Variants in PTGFR observed in about 807,000 individuals in gnomAD.
PTGFR encodes the protein prostaglandin F2-alpha receptor.
A neutral mutation model predicts 26.2 loss-of-function variants in PTGFR; 15 were observed. That is an observed-to-expected ratio of 0.57 (90% CI 0.38 to 0.88). The LOEUF is 0.88. Among genes scored for constraint, PTGFR ranks in the 40% least tolerant of loss-of-function variants. PTGFR has a pLI of 0.00. For missense variants in PTGFR, 369 were observed against 427.2 expected, an observed-to-expected ratio of 0.86 and a Z score of 1.20; for synonymous variants, 165 against 151.1, an observed-to-expected ratio of 1.09 and a Z score of -0.68.
intron 2 of PTGFR, among the ~76,000 whole-genome samples, chr1:78,514,480 C>A (rs78571918): frequency 6.6e-6 from 1 of 152,046 alleles, no homozygotes; most frequent in Admixed American, 6.5e-5. Flanking sequence ...TGTCTGTATA[C>A]CCTTGTATCT....
intron 2 of PTGFR, among the ~76,000 whole-genome samples, chr1:78,501,949 G>A (rs571459489): frequency 3.3e-5 from 5 of 152,120 alleles, no homozygotes; most frequent in Admixed American, 6.6e-5. Flanking sequence ...AAGTTTATTG[G>A]TATTAATGCT....
intron 2 of PTGFR, among the ~76,000 whole-genome samples, chr1:78,511,437 CAGG>C (rs760319466): frequency 2.6e-5 from 4 of 152,090 alleles, no homozygotes; most frequent in Non-Finnish European, 5.9e-5. Flanking sequence ...GGAGTGGTGG[CAGG>C]AGATTTACCT....
rs115653955 is a variant in PTGFR, at chr1:78,533,189, G to A, written c.799-3217G>A. Among the ~76,000 whole-genome samples, 1,177 of 152,224 alleles carry A rather than the reference G, an allele frequency of 7.7e-3. 9 individuals are homozygous for A. Among genetic ancestry groups the A allele is most frequent in the African/African-American group, 0.027 (1,125 of 41,544 alleles). On this transcript the variant is annotated intron_variant, in intron 2 of 2. Transcript: ENST00000370757. ...ATTATTTTAAGATATGTGAAAGGCT[G>A]ACATTTAGTAAATGGATTGATTATC...
chr1:78,514,419 C>A (rs534307726), intron 2 of PTGFR, among the ~76,000 whole-genome samples: 2 of 152,162 alleles, frequency 1.3e-5, no homozygotes, highest in East Asian at 3.9e-4. Flanking sequence ...GGGCCTGTTG[C>A]CTCTTTATTT....
intron 2 of PTGFR, among the ~76,000 whole-genome samples, chr1:78,527,437 C>T (rs775218854): frequency 2.0e-4 from 31 of 151,990 alleles, no homozygotes; most frequent in Non-Finnish European, 3.7e-4. Context: ...TAAACGACTG[C>T]TTTCTGAGAT....
At chr1:78,494,103 G>A (rs189349036) in intron 2 of PTGFR, among the ~76,000 whole-genome samples, 145 of 152,346 alleles carry the variant, frequency 9.5e-4, no homozygotes, top group African/African-American at 3.4e-3. Flanking sequence ...AGGTATGTTT[G>A]GCAGGAAGGC....
intron 2 of PTGFR, among the ~76,000 whole-genome samples, chr1:78,503,551 G>C (rs1227598898): frequency 6.6e-6 from 1 of 152,178 alleles, no homozygotes; most frequent in East Asian, 1.9e-4. Context: ...TCTCCAGGTG[G>C]AGGGTAAAGG....
chr1:78,526,001 C>A (rs1025621734), intron 2 of PTGFR, among the ~76,000 whole-genome samples: 2 of 152,026 alleles, frequency 1.3e-5, no homozygotes, highest in African/African-American at 4.8e-5. Flanking sequence ...ATTACTAATT[C>A]TTCACATAAT....
At chr1:78,501,103 G>A (rs1649693830) in intron 2 of PTGFR, among the ~76,000 whole-genome samples, 1 of 151,668 alleles carries the variant, frequency 6.6e-6, no homozygotes, top group South Asian at 2.1e-4. Context: ...AAGTGTAAAC[G>A]AATCAGAAAC....
intron 2 of PTGFR, among the ~76,000 whole-genome samples, chr1:78,519,986 T>A (rs898676860): frequency 1.3e-5 from 2 of 152,160 alleles, no homozygotes; most frequent in Non-Finnish European, 2.9e-5. Context: ...TCACACTGAT[T>A]TCTTTTCCAT....
intron 2 of PTGFR, among the ~76,000 whole-genome samples, chr1:78,500,000 A>G (rs1386389697): frequency 6.6e-6 from 1 of 152,202 alleles, no homozygotes; most frequent in Non-Finnish European, 1.5e-5. Flanking sequence ...ATTTGGATTA[A>G]TTTATCCCCA....
chr1:78,509,013 C>T (rs979551543), intron 2 of PTGFR, among the ~76,000 whole-genome samples: 12 of 152,092 alleles, frequency 7.9e-5, no homozygotes, highest in Non-Finnish European at 1.8e-4. Flanking sequence ...CCATCATATT[C>T]GAACAGACCA....
intron 2 of PTGFR, among the ~76,000 whole-genome samples, chr1:78,531,154 G>C (rs1650497248): frequency 6.6e-6 from 1 of 152,132 alleles, no homozygotes; most frequent in African/African-American, 2.4e-5. Context: ...GCCAGAAGTA[G>C]GTGGGTCAAA....
Position 78,492,784 on chromosome 1 carries a change from C to T in PTGFR, c.41C>T (p.Ala14Val), listed in dbSNP as rs140892141. Residue 14 changes from alanine to valine, a missense_variant, in exon 2 of 3, where the codon GCT becomes GTT. Ala to Val is a moderately conservative substitution (Grantham distance 64). Transcript: ENST00000370757. ...TCCAAACAGCTAGTGTCTCCTGCAG[C>T]TGCGCTTCTTTCAAACACAACCTGC... ...NNSKQLVSPA[A>V]ALLSNTTCQT... 8.1e-6 allele frequency: 13 copies of T among 1,614,136 alleles called. No homozygotes were observed. Among genetic ancestry groups the T allele is most frequent in the East Asian group, 2.2e-5 (1 of 44,884 alleles).
At chr1:78,498,132 T>G (rs1253869149) in intron 2 of PTGFR, among the ~76,000 whole-genome samples, 18 of 152,194 alleles carry the variant, frequency 1.2e-4, no homozygotes, top group Admixed American at 1.2e-3. Flanking sequence ...CTAAAGGTAT[T>G]GGCTTCATAA....
rs756672341 is a variant in PTGFR, at chr1:78,492,833, A to AT, written c.97dup (p.Ser33PhefsTer27). The AT allele has an allele frequency of 1.9e-6, 3 of 1,614,126 alleles. No homozygotes were observed. The highest frequency in any genetic ancestry group is 2.2e-5 in the East Asian group (1 of 44,878). Reference sequence around the variant, plus strand: ...GCCAGACGGAAAACCGGCTTTCCGTATTTTTTTCAGTAATCTTCATGACAG... The same window carrying AT: ...GCCAGACGGAAAACCGGCTTTCCGTATTTTTTTTCAGTAATCTTCATGACAG... On this transcript the variant is annotated frameshift_variant, in exon 2 of 3. Coordinates refer to ENST00000370757, the MANE Select transcript of PTGFR (RefSeq NM_000959.4). LOFTEE classifies it high-confidence loss of function.
chr1:78,493,008 G>A lies in PTGFR; in HGVS notation c.265G>A (p.Val89Ile). Residue 89 changes from valine (V) to isoleucine (I), a missense_variant, in exon 2 of 3, where the codon GTA becomes ATA. Val to Ile is a conservative substitution (Grantham distance 29). Transcript: ENST00000370757. Reference sequence around the variant, plus strand: ...CCATCTCATCAATGGAGCCATAGCAGTATTTGTATATGCTTCTGATAAAGA... The same window carrying A: ...CCATCTCATCAATGGAGCCATAGCAATATTTGTATATGCTTCTGATAAAGA... ...FGHLINGAIA[V>I]FVYASDKEWI... The A allele has an allele frequency of 1.2e-6, 2 of 1,614,226 alleles. No individual in the cohort carries two copies. The highest frequency in any genetic ancestry group is 1.7e-6 in the Non-Finnish European group (2 of 1,180,042).
intron 2 of PTGFR, among the ~76,000 whole-genome samples, chr1:78,504,940 T>G (rs1174652848): frequency 1.3e-5 from 2 of 152,130 alleles, no homozygotes; most frequent in Admixed American, 1.3e-4. Flanking sequence ...TATGTACAAT[T>G]ATCATCTCTG....
intron 2 of PTGFR, among the ~76,000 whole-genome samples, chr1:78,512,752 G>A (rs542440383): frequency 3.7e-4 from 56 of 152,298 alleles, no homozygotes; most frequent in African/African-American, 1.3e-3. Flanking sequence ...GGTGGGGCCT[G>A]GTGAGAGGTG....
Sources: gnomAD v4.1 joint callset for allele counts (sites outside exome capture counted in the v4.1 genomes callset) on GRCh38, gnomAD v4.1.1 for gene constraint, MANE v1.5 for transcripts, NCBI Gene and HGNC (gene_info 2026-07-23, HGNC 2026-07-21) for gene names.